Variants in CTNND2 observed in about 807,000 individuals in gnomAD.
CTNND2 encodes catenin delta-2.
A neutral mutation model predicts 144.4 loss-of-function variants in CTNND2; 22 were observed. That is an observed-to-expected ratio of 0.15 (90% confidence interval 0.11 to 0.22). The LOEUF (loss-of-function observed/expected upper bound fraction) is 0.22. Among genes scored for constraint, CTNND2 ranks in the 10% least tolerant of loss-of-function variants. The pLI is 1.00. For synonymous variants in CTNND2, 751 were observed against 695.6 expected (o/e 1.08, Z -1.25); for missense variants, 1,353 against 1,618.8 (o/e 0.84, Z 2.82).
At chr5:11,006,066 A>C (rs1480077895) in intron 18 of CTNND2, among the ~76,000 whole-genome samples, 1 of 152,190 alleles carries the variant, frequency 6.6e-6, no homozygotes, top group East Asian at 1.9e-4. Context: ...ACAACAACAA[A>C]AAAACCATGG....
chr5:11,799,449 C>A (rs1791564511), intron 1 of CTNND2, among the ~76,000 whole-genome samples: 1 of 152,124 alleles, frequency 6.6e-6, no homozygotes, highest in Non-Finnish European at 1.5e-5. Flanking sequence ...CTTTCTTCTT[C>A]CTCCCGTTGA....
chr5:11,628,053 G>C (rs1378356006), intron 2 of CTNND2, among the ~76,000 whole-genome samples: 3 of 151,964 alleles, frequency 2.0e-5, no homozygotes, highest in Admixed American at 1.3e-4. Context: ...CCATGGAGTA[G>C]TGCCAATCCA....
At chr5:11,799,300 G>C (rs938462133) in intron 1 of CTNND2, among the ~76,000 whole-genome samples, 7 of 152,006 alleles carry the variant, frequency 4.6e-5, no homozygotes, top group Non-Finnish European at 7.4e-5. Flanking sequence ...TTATGTCACT[G>C]GTGATGTTTT....
intron 18 of CTNND2, among the ~76,000 whole-genome samples, chr5:11,000,132 TCTA>T (rs751596672): frequency 3.5e-4 from 53 of 152,208 alleles, no homozygotes; most frequent in Admixed American, 9.2e-4. Flanking sequence ...TAGAGAGACT[TCTA>T]CTAACAGTTT....
chr5:11,288,511 CTG>C (rs1231421283), intron 9 of CTNND2, among the ~76,000 whole-genome samples: 1 of 152,142 alleles, frequency 6.6e-6, no homozygotes, highest in East Asian at 1.9e-4. Flanking sequence ...CAGACACTAA[CTG>C]TATCATAAAC....
chr5:11,135,907 GATATC>G (rs1420083730), intron 12 of CTNND2, among the ~76,000 whole-genome samples: 18 of 152,312 alleles, frequency 1.2e-4, no homozygotes, highest in Admixed American at 9.2e-4. Flanking sequence ...GGTAGGTGGA[GATATC>G]CACTTCTAAA....
Position 11,745,416 on chromosome 5 carries a change from C to A in CTNND2, c.38-13144G>T, listed in dbSNP as rs189831465. On this transcript the variant is annotated intron_variant, in intron 1 of 21. Coordinates refer to ENST00000304623, the MANE Select transcript of CTNND2 (RefSeq NM_001332.4). ...AATGAGGCTGAAGGCCACTGGCATA[C>A]GTATATGAGTTTCCAAGGGGTCCAC... Among the ~76,000 whole-genome samples, 455 of 152,284 alleles carry A rather than the reference C, an allele frequency of 3.0e-3. 5 individuals carry two copies. Among genetic ancestry groups the A allele is most frequent in the Non-Finnish European group, 4.9e-3 (331 of 68,012 alleles).
chr5:11,794,361 G>C (rs4702829), intron 1 of CTNND2, among the ~76,000 whole-genome samples: 149,062 of 152,310 alleles, frequency 0.98, 73,015 homozygotes, highest in South Asian at 1. Flanking sequence ...GTGTATCAAC[G>C]TGAAACACAA....
intron 16 of CTNND2, among the ~76,000 whole-genome samples, chr5:11,053,081 G>C (rs1044107481): frequency 4.6e-5 from 7 of 152,142 alleles, no homozygotes; most frequent in African/African-American, 1.7e-4. Context: ...ATTACAATAA[G>C]AAAAGGATGA....
chr5:11,813,752 G>C (rs574665916), intron 1 of CTNND2, among the ~76,000 whole-genome samples: 1 of 152,098 alleles, frequency 6.6e-6, no homozygotes, highest in Non-Finnish European at 1.5e-5. Flanking sequence ...GGCCTCAAGC[G>C]ATCCTTCAGC....
rs1251714096 is a variant in CTNND2, at chr5:11,651,460, T to A, written c.174+80676A>T. On this transcript the variant is annotated intron_variant, in intron 2 of 21. Coordinates refer to ENST00000304623, the MANE Select transcript of CTNND2 (RefSeq NM_001332.4). ...TGTGGAGGGGAAATGTGAGGTTGGATCCCCCAGACAGAGTCCCCACTGGGG... is the reference window on the plus strand; with the variant it reads ...TGTGGAGGGGAAATGTGAGGTTGGAACCCCCAGACAGAGTCCCCACTGGGG... Among the ~76,000 whole-genome samples, 4 of 152,226 alleles carry A rather than the reference T, an allele frequency of 2.6e-5. No homozygotes were observed. In the East Asian group the frequency reaches 7.7e-4, roughly 29 times the overall value.
At chr5:11,801,999 A>T (rs867703520) in intron 1 of CTNND2, among the ~76,000 whole-genome samples, 1 of 152,092 alleles carries the variant, frequency 6.6e-6, no homozygotes, top group Non-Finnish European at 1.5e-5. Context: ...TCTACCAGGC[A>T]TGGTAGCTCA....
At chr5:11,744,724 T>C (rs192347658) in intron 1 of CTNND2, among the ~76,000 whole-genome samples, 1 of 151,878 alleles carries the variant, frequency 6.6e-6, no homozygotes, top group Admixed American at 6.6e-5. Flanking sequence ...CGTGTGTGTG[T>C]GTGTATTTCT....
intron 1 of CTNND2, among the ~76,000 whole-genome samples, chr5:11,787,592 T>C (rs1339304276): frequency 2.0e-5 from 3 of 152,368 alleles, no homozygotes; most frequent in African/African-American, 7.2e-5. Context: ...TAAGATTTTT[T>C]TATTAACAGA....
intron 9 of CTNND2, among the ~76,000 whole-genome samples, chr5:11,343,648 A>T (rs1233144784): frequency 6.6e-6 from 1 of 152,170 alleles, no homozygotes; most frequent in Non-Finnish European, 1.5e-5. Flanking sequence ...AGGTCCGCAC[A>T]CTCACCTGGC....
rs1363415743 is a variant in CTNND2, at chr5:11,112,081, C to T, written c.2278-1038G>A. 2.0e-5 allele frequency among the ~76,000 whole-genome samples: 3 copies of T among 152,188 alleles called. No individual in the cohort carries two copies. In the East Asian group the frequency reaches 5.8e-4, roughly 29 times the overall value. On this transcript the variant is annotated intron_variant, in intron 13 of 21. Coordinates refer to ENST00000304623, the MANE Select transcript of CTNND2 (RefSeq NM_001332.4). ...AGCCAGGATGGTCTCGATCTCCTGA[C>T]TTTGTGATCCACTTGCTTAGGCCTC...
chr5:11,443,185 TG>T (rs372917644), intron 3 of CTNND2, among the ~76,000 whole-genome samples: 1 of 149,664 alleles, frequency 6.7e-6, no homozygotes. Context: ...GTGTGGTGTG[TG>T]GTGTGTGTGT....
intron 2 of CTNND2, among the ~76,000 whole-genome samples, chr5:11,621,933 T>C (rs1453867118): frequency 1.3e-5 from 2 of 152,218 alleles, no homozygotes; most frequent in Non-Finnish European, 2.9e-5. Context: ...CTTTGCATCT[T>C]GCAAATATAA....
intron 9 of CTNND2, among the ~76,000 whole-genome samples, chr5:11,273,699 C>A (rs776628606): frequency 2.6e-5 from 4 of 152,148 alleles, no homozygotes; most frequent in Non-Finnish European, 5.9e-5. Flanking sequence ...TTTTGCATAA[C>A]TGACACTTAT....
Sources: gnomAD v4.1 joint callset for allele counts (sites outside exome capture counted in the v4.1 genomes callset) on GRCh38, gnomAD v4.1.1 for gene constraint, MANE v1.5 for transcripts, NCBI Gene and HGNC (gene_info 2026-07-23, HGNC 2026-07-21) for gene names.